Variants in CAAP1 observed in about 807,000 individuals in gnomAD.
CAAP1 encodes the protein caspase activity and apoptosis inhibitor 1, also known as conserved anti-apoptotic protein.
A neutral mutation model predicts 34.0 loss-of-function variants in CAAP1; 20 were observed. The observed-to-expected ratio is 0.59, with a 90% CI of 0.41 to 0.86. CAAP1 has a LOEUF of 0.86. CAAP1 is among the 40% of genes least tolerant of loss of function. The probability of loss-of-function intolerance (pLI) is 0.00; values close to 1 mark genes in which losing one functional copy is unlikely to be tolerated. For synonymous variants in CAAP1, 213 were observed against 166.7 expected, an observed-to-expected ratio of 1.28 and a Z score of -2.14; for missense variants, 538 against 450.5, an observed-to-expected ratio of 1.19 and a Z score of -1.76.
rs1390800739 is a variant in CAAP1 at position 26,861,081 on chromosome 9, A to C, written c.724T>G (p.Leu242Val). ...SVRENKQPEGLELKQGKGEDS... is the reference protein window; with the variant it reads ...SVRENKQPEGVELKQGKGEDS... Reference sequence around the variant, plus strand: ...TGGTTCATACCTTGTTTTAATTCCAAACCTTCAGGTTGCTTATTCTCTCTC... The same window carrying C: ...TGGTTCATACCTTGTTTTAATTCCACACCTTCAGGTTGCTTATTCTCTCTC... The change falls in exon 5 of 6, where the codon TTG becomes GTG. Residue 242 changes from leucine (L) to valine (V), a missense_variant. By Grantham distance (32) the Leu-to-Val change is conservative. Transcript: ENST00000333916. The C allele has an allele frequency of 6.2e-7, 1 of 1,610,246 alleles. No homozygotes were observed. Among genetic ancestry groups the C allele is most frequent in the Admixed American group, 1.7e-5 (1 of 59,996 alleles).
intron 5 of CAAP1, among the ~76,000 whole-genome samples, chr9:26,844,521 CTT>C (rs1822551552): frequency 6.6e-6 from 1 of 152,048 alleles, no homozygotes. Context: ...AAAAATGTGA[CTT>C]GTTTTTCAGA....
At chr9:26,864,551 T>C (rs1334641749) in intron 4 of CAAP1, among the ~76,000 whole-genome samples, 4 of 152,190 alleles carry the variant, frequency 2.6e-5, no homozygotes, top group Non-Finnish European at 4.4e-5. Context: ...CACACCCCGG[T>C]GCTTTTTCTG....
chr9:26,843,679 G>A (rs967107350), intron 5 of CAAP1, among the ~76,000 whole-genome samples: 1 of 151,828 alleles, frequency 6.6e-6, no homozygotes, highest in Non-Finnish European at 1.5e-5. Flanking sequence ...CTTACAGTAG[G>A]GAAAGCTTCT....
At chr9:26,845,367 T>C (rs1482746517) in intron 5 of CAAP1, among the ~76,000 whole-genome samples, 1 of 152,222 alleles carries the variant, frequency 6.6e-6, no homozygotes, top group African/African-American at 2.4e-5. Context: ...TTTGAGATAT[T>C]TCCTTAACAT....
At chr9:26,865,524 C>CAA (rs200010318) in intron 4 of CAAP1, among the ~76,000 whole-genome samples, 38 of 134,266 alleles carry the variant, frequency 2.8e-4, no homozygotes, top group Non-Finnish European at 4.9e-4. Context: ...AACTATGTCT[C>CAA]AAAAAAAAAA....
intron 4 of CAAP1, among the ~76,000 whole-genome samples, chr9:26,877,275 C>T (rs1823460792): frequency 6.6e-6 from 1 of 151,954 alleles, no homozygotes; most frequent in Non-Finnish European, 1.5e-5. Context: ...TATGTATATG[C>T]AAATATTCCA....
intron 5 of CAAP1, among the ~76,000 whole-genome samples, chr9:26,847,116 A>T: frequency 7.1e-6 from 1 of 140,216 alleles, no homozygotes; most frequent in African/African-American, 2.7e-5. Context: ...TATCTTGGTC[A>T]TTTTTTTTCA....
intron 4 of CAAP1, among the ~76,000 whole-genome samples, chr9:26,871,186 A>G (rs976338523): frequency 1.3e-5 from 2 of 152,234 alleles, no homozygotes; most frequent in African/African-American, 2.4e-5. Flanking sequence ...TGTCACCTAA[A>G]TTGAAACAAT....
chr9:26,884,951 T>A (rs1392818911), intron 3 of CAAP1, 66 bp from the exon 4 acceptor site: 5 of 1,178,816 alleles, frequency 4.2e-6, no homozygotes, highest in Non-Finnish European at 6.2e-6. Flanking sequence ...AATCATGACA[T>A]TAAAAAGTAT....
At chr9:26,854,570 C>A (rs916380587) in intron 5 of CAAP1, among the ~76,000 whole-genome samples, 4 of 152,014 alleles carry the variant, frequency 2.6e-5, no homozygotes, top group Admixed American at 6.6e-5. Context: ...AAACATACAC[C>A]TAGAGTCTGT....
chr9:26,889,547 G>T (rs1320655926), intron 1 of CAAP1, among the ~76,000 whole-genome samples: 8 of 151,998 alleles, frequency 5.3e-5, no homozygotes, highest in Admixed American at 5.2e-4. Flanking sequence ...TTTCAATAAA[G>T]TTCTTCCCAA....
rs1563879888 is a variant in CAAP1, at chr9:26,852,883, T to C, written c.739+8183A>G. 3.9e-5 allele frequency among the ~76,000 whole-genome samples: 6 copies of C among 152,098 alleles called. 1 individual carries two copies. In the South Asian group the frequency reaches 1.2e-3, roughly 32 times the overall value. On this transcript the variant is annotated intron_variant, in intron 5 of 5. Coordinates refer to ENST00000333916, the MANE Select transcript of CAAP1 (RefSeq NM_024828.4). Reference sequence around the variant, plus strand: ...CTAAATGATGCATGGAAGACCCATATGGTTATCTGAGGAGGAAGCGGGCAG... The same window carrying C: ...CTAAATGATGCATGGAAGACCCATACGGTTATCTGAGGAGGAAGCGGGCAG...
chr9:26,888,260 G>C (rs1200032689), intron 1 of CAAP1, among the ~76,000 whole-genome samples: 15 of 152,158 alleles, frequency 9.9e-5, no homozygotes, highest in African/African-American at 3.1e-4. Context: ...TTGCTCCTAA[G>C]GTAATATGGC....
chr9:26,880,352 A>C (rs1450150080), intron 4 of CAAP1: 1 of 304,380 alleles, frequency 3.3e-6, no homozygotes, highest in Non-Finnish European at 6.5e-6. Context: ...CGTGGAAGGG[A>C]AGTGTGTGAT....
intron 1 of CAAP1, 163 bp downstream of exon 1, chr9:26,892,250 G>C (rs1179351222): frequency 8.0e-6 from 12 of 1,503,272 alleles, no homozygotes; most frequent in Non-Finnish European, 9.7e-6. Context: ...ATGGGAGTGT[G>C]GGGCTCACCA....
chr9:26,852,012 A>T (rs1822764860), intron 5 of CAAP1, among the ~76,000 whole-genome samples: 1 of 152,042 alleles, frequency 6.6e-6, no homozygotes, highest in South Asian at 2.1e-4. Context: ...GATACTAGAG[A>T]CTTGATTCTA....
chr9:26,848,502 C>T (rs566461728), intron 5 of CAAP1, among the ~76,000 whole-genome samples: 29 of 151,780 alleles, frequency 1.9e-4, no homozygotes, highest in South Asian at 6.3e-4. Flanking sequence ...CGCGACAGAG[C>T]GAGACTCCAT....
At chr9:26,854,178 G>GAGCATTTAATAT (rs2131302625) in intron 5 of CAAP1, among the ~76,000 whole-genome samples, 1 of 152,282 alleles carries the variant, frequency 6.6e-6, no homozygotes, top group East Asian at 1.9e-4. Flanking sequence ...TGATACTTTT[G>GAGCATTTAATAT]AGCATTTAAT....
At position 26,889,612 on chromosome 9, in the gene CAAP1, T is replaced by G. The variant is rs191572318; in HGVS notation, c.304-2099A>C. 1.4e-4 allele frequency among the ~76,000 whole-genome samples: 22 copies of G among 152,052 alleles called. No individual in the cohort carries two copies. The East Asian group carries it at 3.7e-3, about 25-fold the overall frequency. ...GCTCACAGCTGTAATCCCAGCACTT[T>G]GGGAGGCCGAGGTGGGAGGCTGAGG... On this transcript the variant is annotated intron_variant, in intron 1 of 5. Coordinates refer to ENST00000333916, the MANE Select transcript of CAAP1 (RefSeq NM_024828.4).
Sources: allele counts gnomAD v4.1 joint callset (sites outside exome capture counted in the v4.1 genomes callset), GRCh38; gene constraint gnomAD v4.1.1; transcripts MANE v1.5; gene names NCBI Gene and HGNC (gene_info 2026-07-23, HGNC 2026-07-21).